The following GSDMC variants were observed in gnomAD, a reference collection of about 807,000 sequenced individuals.
GSDMC encodes gasdermin-C.
A neutral mutation model predicts 58.0 loss-of-function variants in GSDMC; 59 were observed. That is an observed-to-expected ratio of 1.02 (90% CI 0.82 to 1.26). GSDMC has a LOEUF of 1.26. Among genes scored for constraint, GSDMC ranks in the 50% most tolerant of loss-of-function variants. The pLI is 0.00. For synonymous variants in GSDMC, 241 were observed against 220.2 expected (o/e 1.09, Z -0.83); for missense variants, 659 against 598.5 (o/e 1.10, Z -1.06).
chr8:129,773,604 G>T (rs2034128634), intron 3 of GSDMC, among the ~76,000 whole-genome samples: 1 of 151,938 alleles, frequency 6.6e-6, no homozygotes, highest in African/African-American at 2.4e-5. Flanking sequence ...GGCCAATATG[G>T]CAAAACCCCA....
chr8:129,778,316 G>T (rs555462969), intron 1 of GSDMC, among the ~76,000 whole-genome samples: 6 of 152,086 alleles, frequency 3.9e-5, no homozygotes, highest in Non-Finnish European at 8.8e-5. Flanking sequence ...GAAAGTGAGG[G>T]CAAGTTGGTG....
At chr8:129,730,354 A>G in the GSDMC span, 1 of 1,308,942 alleles carries the variant, frequency 7.6e-7, no homozygotes, top group Non-Finnish European at 1.1e-6. Flanking sequence ...ACTGTTATGC[A>G]AGGAGATTAT....
At chr8:129,768,461 A>G (rs1268630848) in intron 3 of GSDMC, among the ~76,000 whole-genome samples, 1 of 152,250 alleles carries the variant, frequency 6.6e-6, no homozygotes, top group Non-Finnish European at 1.5e-5. Flanking sequence ...AAATACAGAT[A>G]GACAACTAAA....
chr8:129,739,971 G>A, the GSDMC span, among the ~76,000 whole-genome samples: 1 of 152,228 alleles, frequency 6.6e-6, no homozygotes, highest in East Asian at 1.9e-4. Flanking sequence ...GGAAGAAAGT[G>A]ATATTGCTTA....
At chr8:129,709,556 ATAGATGG>A in the GSDMC span, among the ~76,000 whole-genome samples, 1 of 151,002 alleles carries the variant, frequency 6.6e-6, no homozygotes, top group African/African-American at 2.5e-5. Context: ...TAATAGATAG[ATAGATGG>A]TAGATGATAG....
At chr8:129,725,629 G>A in the GSDMC span, among the ~76,000 whole-genome samples, 8 of 152,270 alleles carry the variant, frequency 5.3e-5, no homozygotes, top group Non-Finnish European at 1.2e-4. Context: ...CAGGTACACA[G>A]CAGGCCTCTA....
intron 2 of GSDMC, among the ~76,000 whole-genome samples, chr8:129,777,093 A>G (rs1027894223): frequency 6.6e-6 from 1 of 152,172 alleles, no homozygotes; most frequent in Non-Finnish European, 1.5e-5. Flanking sequence ...CTTTGAACAG[A>G]TAATTTTATA....
rs187538653 is a variant in GSDMC, at chr8:129,752,165, A to G, written c.845-18T>C. On this transcript the variant is annotated intron_variant, in intron 7 of 13. Transcript: ENST00000276708. ...AAATAGCTCTGGAAAGAGAAAGAAA[A>G]GTGTTTACTCACCAAACATTAGTCT... 3.4e-5 allele frequency: 55 copies of G among 1,607,782 alleles called. No individual in the cohort carries two copies. In the African/African-American group the frequency reaches 6.8e-4, roughly 20 times the overall value.
intron 11 of GSDMC, 141 bp downstream of exon 11, chr8:129,750,290 C>T (rs2033131327): frequency 6.6e-6 from 7 of 1,062,702 alleles, no homozygotes; most frequent in Non-Finnish European, 8.1e-6. Context: ...GCCCATTGTG[C>T]CCGGCACCAG....
At chr8:129,720,613 C>A in the GSDMC span, among the ~76,000 whole-genome samples, 3 of 152,216 alleles carry the variant, frequency 2.0e-5, no homozygotes, top group African/African-American at 7.2e-5. Context: ...CAAATAGTAT[C>A]TACATTTGCA....
At chr8:129,728,935 AGGTGGTGGC>A in the GSDMC span, 1 of 666,402 alleles carries the variant, frequency 1.5e-6, no homozygotes, top group South Asian at 1.5e-5. Flanking sequence ...AGGAGGCCCG[AGGTGGTGGC>A]GGTGGTCAAG....
At chr8:129,778,815 T>C (rs1238790126) in intron 1 of GSDMC, among the ~76,000 whole-genome samples, 1 of 148,596 alleles carries the variant, frequency 6.7e-6, no homozygotes, top group Non-Finnish European at 1.5e-5. Flanking sequence ...GAGGCAGCTT[T>C]CAAAAGAAGA....
At chr8:129,734,804 A>G in the GSDMC span, among the ~76,000 whole-genome samples, 1 of 152,234 alleles carries the variant, frequency 6.6e-6, no homozygotes, top group Non-Finnish European at 1.5e-5. Context: ...TCAAATTCAC[A>G]CATAAAAATA....
chr8:129,712,907 G>A, the GSDMC span, among the ~76,000 whole-genome samples: 1 of 152,226 alleles, frequency 6.6e-6, no homozygotes, highest in Non-Finnish European at 1.5e-5. Flanking sequence ...TGGCAGTGAA[G>A]AGCTCACCAA....
chr8:129,708,674 T>TACCCACTA, the GSDMC span, among the ~76,000 whole-genome samples: 5 of 152,360 alleles, frequency 3.3e-5, no homozygotes, highest in South Asian at 1.0e-3. Context: ...CGCAGCCAAG[T>TACCCACTA]GGGTTTTCTC....
the GSDMC span, among the ~76,000 whole-genome samples, chr8:129,712,963 T>G: frequency 1.8e-4 from 28 of 152,306 alleles, no homozygotes; most frequent in East Asian, 2.5e-3. Flanking sequence ...TGAAGCTGGA[T>G]GAGCAACTGT....
the GSDMC span, among the ~76,000 whole-genome samples, chr8:129,731,677 C>T: frequency 1.3e-5 from 2 of 152,152 alleles, no homozygotes; most frequent in African/African-American, 4.8e-5. Flanking sequence ...ATCAAGCCCA[C>T]TAACATCGAG....
At chr8:129,774,986 C>A (rs907780068) in intron 3 of GSDMC, among the ~76,000 whole-genome samples, 1 of 152,126 alleles carries the variant, frequency 6.6e-6, no homozygotes, top group African/African-American at 2.4e-5. Context: ...ATTGATATAG[C>A]CATATGGAAA....
intron 4 of GSDMC, among the ~76,000 whole-genome samples, chr8:129,765,227 CTTAGAGT>C (rs1026603021): frequency 6.6e-6 from 1 of 152,016 alleles, no homozygotes; most frequent in African/African-American, 2.4e-5. Context: ...ATCAGGTTAC[CTTAGAGT>C]TTAAAGTACT....
Sources: gnomAD v4.1 joint callset for allele counts (sites outside exome capture counted in the v4.1 genomes callset) on GRCh38, gnomAD v4.1.1 for gene constraint, MANE v1.5 for transcripts, NCBI Gene and HGNC (gene_info 2026-07-23, HGNC 2026-07-21) for gene names.